Variants in OLA1 observed in about 807,000 individuals in gnomAD.
OLA1 encodes the protein obg-like ATPase 1.
A neutral mutation model predicts 48.4 loss-of-function variants in OLA1; 14 were observed. The ratio of observed to expected loss-of-function variants is 0.29; its 90% CI spans 0.19 to 0.45. OLA1 has a LOEUF of 0.45. OLA1 is among the 20% of genes least tolerant of loss of function. The pLI, the probability that OLA1 is intolerant of heterozygous loss-of-function variation, is 1.00. For synonymous variants in OLA1, 127 were observed against 150.4 expected (o/e 0.84, Z 1.14); for missense variants, 325 against 467.1 (o/e 0.70, Z 2.80).
At chr2:174,077,928 T>C (rs1173167903) in intron 10 of OLA1, among the ~76,000 whole-genome samples, 1 of 152,030 alleles carries the variant, frequency 6.6e-6, no homozygotes, top group Non-Finnish European at 1.5e-5. Flanking sequence ...TTTGCACACC[T>C]ACCTATATCT....
At chr2:174,114,947 T>A (rs886123749) in intron 7 of OLA1, among the ~76,000 whole-genome samples, 1 of 151,964 alleles carries the variant, frequency 6.6e-6, no homozygotes, top group Admixed American at 6.6e-5. Flanking sequence ...CTGGGCAACA[T>A]GGGAAACCCT....
chr2:174,229,455 A>G lies in OLA1; in HGVS notation c.102-4T>C. On this transcript the variant is annotated splice_polypyrimidine_tract_variant and splice_region_variant and intron_variant, in intron 2 of 10. Transcript: ENST00000284719. Reference sequence around the variant, plus strand: ...CACATTGAAGAAAGTAGATTTCCTAAAACAAATAAAAGCAATTTCAATCAA... The same window carrying G: ...CACATTGAAGAAAGTAGATTTCCTAGAACAAATAAAAGCAATTTCAATCAA... 6.2e-7 allele frequency: 1 copy of G among 1,602,148 alleles called. No individual in the cohort carries two copies. Among genetic ancestry groups the G allele is most frequent in the South Asian group, 1.1e-5 (1 of 87,818 alleles).
At chr2:174,091,368 T>C (rs1490501241) in intron 7 of OLA1, among the ~76,000 whole-genome samples, 1 of 152,216 alleles carries the variant, frequency 6.6e-6, no homozygotes, top group Admixed American at 6.5e-5. Context: ...GCTTCATTTT[T>C]ATATGATGGG....
At chr2:174,154,222 G>C (rs1461627902) in intron 4 of OLA1, among the ~76,000 whole-genome samples, 2 of 152,084 alleles carry the variant, frequency 1.3e-5, no homozygotes, top group African/African-American at 2.4e-5. Flanking sequence ...CCAATATTGA[G>C]CTGACTGTTT....
Position 174,081,170 on chromosome 2 carries a change from C to G in OLA1, c.948G>C (p.Val316=). ...ATCTTACCCTGATGGTCCATGCACG[C>G]ACTTCATCTGGGCCTGCAGTGAAAA... ...EYFFTAGPDE[V]RAWTIRKGTK... is the part of the protein sequence containing the mutation. Residue 316 remains valine (V), a synonymous_variant, in exon 9 of 11, where the codon GTG becomes GTC. Coordinates refer to ENST00000284719, the MANE Select transcript of OLA1 (RefSeq NM_013341.5). 1 of 1,612,132 alleles carries G rather than the reference C, an allele frequency of 6.2e-7. No homozygotes were observed. The highest frequency in any genetic ancestry group is 8.5e-7 in the Non-Finnish European group (1 of 1,178,716).
intron 7 of OLA1, among the ~76,000 whole-genome samples, chr2:174,086,475 T>C (rs1684981257): frequency 6.6e-6 from 1 of 152,182 alleles, no homozygotes; most frequent in African/African-American, 2.4e-5. Flanking sequence ...AAACCCTATA[T>C]ATACTATGTT....
intron 4 of OLA1, among the ~76,000 whole-genome samples, chr2:174,182,968 G>A (rs1687581073): frequency 6.6e-6 from 1 of 152,290 alleles, no homozygotes; most frequent in East Asian, 1.9e-4. Context: ...TTAGTTCACT[G>A]AAAAGTAGGT....
Position 174,079,069 on chromosome 2 carries a change from C to T in OLA1, c.988G>A (p.Ala330Thr). The T allele has an allele frequency of 6.2e-7, 1 of 1,602,304 alleles. No homozygotes were observed. ...AAATCTGTGTGAATCTTTCCTGCAG[C>T]CTGAGGAGCCTTAGTCCCTTTCTTT... ...TIRKGTKAPQ[A>T]AGKIHTDFEK... The change falls in exon 10 of 11, where the codon GCT becomes ACT. Residue 330 changes from alanine to threonine, a missense_variant. Physicochemically the swap from Ala to Thr is moderately conservative, Grantham distance 58. Transcript: ENST00000284719.
chr2:174,141,680 T>A (rs1686450639), intron 5 of OLA1, 145 bp downstream of exon 5: 2 of 686,456 alleles, frequency 2.9e-6, no homozygotes, highest in Non-Finnish European at 4.7e-6. Flanking sequence ...AAAATAAAGT[T>A]CCTTAACAAT....
In OLA1 at chr2:174,073,920, T is replaced by G. The variant is rs1215279343; in HGVS notation, c.*1506A>C. 2.0e-5 allele frequency: 3 copies of G among 152,230 alleles called. No individual in the cohort carries two copies. Among genetic ancestry groups the G allele is most frequent in the Non-Finnish European group, 2.9e-5 (2 of 68,038 alleles). The allele number at this position is 152,230 out of a possible 1,614,324, so 9.4% of individuals were successfully genotyped here. On this transcript the variant is annotated 3_prime_UTR_variant, in exon 11 of 11. Transcript: ENST00000284719. ...AAAAACCCTTCATTAGTTTTATTCT[T>G]ATTTCTCTGCTGTAGTTTACTCATT...
At chr2:174,081,401 CAAGT>C (rs1186057825) in intron 8 of OLA1, among the ~76,000 whole-genome samples, 153 bp from the exon 9 acceptor site, 1 of 151,962 alleles carries the variant, frequency 6.6e-6, no homozygotes, top group East Asian at 1.9e-4. Flanking sequence ...GTTCAGAAAG[CAAGT>C]AACTGTTTTT....
chr2:174,112,420 T>C (rs972701739), intron 7 of OLA1, among the ~76,000 whole-genome samples: 2 of 152,208 alleles, frequency 1.3e-5, no homozygotes, highest in African/African-American at 4.8e-5. Context: ...GTGTGAAGTG[T>C]TGACTGAATG....
At chr2:174,093,522 A>T (rs1035089558) in intron 7 of OLA1, among the ~76,000 whole-genome samples, 13 of 151,916 alleles carry the variant, frequency 8.6e-5, no homozygotes, top group African/African-American at 2.2e-4. Flanking sequence ...CACCGCCACC[A>T]CCAACAAAAA....
intron 4 of OLA1, among the ~76,000 whole-genome samples, chr2:174,206,461 T>C (rs1395049431): frequency 1.3e-5 from 2 of 152,178 alleles, no homozygotes; most frequent in African/African-American, 4.8e-5. Context: ...CCCTGAGGAA[T>C]TTCAAGATAC....
chr2:174,126,413 C>T lies in OLA1; in HGVS notation c.550-2738G>A, dbSNP rs1171074726. Among the ~76,000 whole-genome samples, 4 of 152,176 alleles carry T rather than the reference C, an allele frequency of 2.6e-5. No individual in the cohort carries two copies. The South Asian group carries it at 8.3e-4, about 32-fold the overall frequency. On this transcript the variant is annotated intron_variant, in intron 5 of 10. Coordinates refer to ENST00000284719, the MANE Select transcript of OLA1 (RefSeq NM_013341.5). ...TCTTTACTATCATTATATAGAAATG[C>T]AGATGTAGGGGTACTAAATTGGGCT...
At chr2:174,228,868 C>T (rs980060995) in intron 3 of OLA1, among the ~76,000 whole-genome samples, 2 of 152,140 alleles carry the variant, frequency 1.3e-5, no homozygotes, top group African/African-American at 4.8e-5. Flanking sequence ...ACACCCTTCT[C>T]CATACTCTGC....
At chr2:174,165,770 A>G (rs768834795) in intron 4 of OLA1, among the ~76,000 whole-genome samples, 2 of 151,936 alleles carry the variant, frequency 1.3e-5, no homozygotes, top group Non-Finnish European at 2.9e-5. Context: ...AACACACTTT[A>G]TAAGAATGAG....
chr2:174,197,178 GTTAA>G (rs1268419818), intron 4 of OLA1, among the ~76,000 whole-genome samples: 4 of 152,120 alleles, frequency 2.6e-5, no homozygotes, highest in African/African-American at 4.8e-5. Flanking sequence ...GCATAAATAG[GTTAA>G]TTGATATCTG....
At chr2:174,132,311 A>G (rs538904550) in intron 5 of OLA1, among the ~76,000 whole-genome samples, 108 of 151,700 alleles carry the variant, frequency 7.1e-4, no homozygotes, top group African/African-American at 2.5e-3. Flanking sequence ...GGCCTTTTTG[A>G]TCCTTTTTAT....
Sources: gnomAD v4.1 joint callset for allele counts (sites outside exome capture counted in the v4.1 genomes callset) on GRCh38, gnomAD v4.1.1 for gene constraint, MANE v1.5 for transcripts, NCBI Gene and HGNC (gene_info 2026-07-23, HGNC 2026-07-21) for gene names.